Variants in TMTC2 observed in about 807,000 individuals in gnomAD.
TMTC2 encodes the protein protein O-mannosyl-transferase TMTC2.
A neutral mutation model predicts 82.4 loss-of-function variants in TMTC2; 43 were observed. The observed-to-expected ratio is 0.52, with a 90% CI of 0.41 to 0.67. The LOEUF is 0.67. Ranked by LOEUF, TMTC2 falls within the 30% of genes least tolerant of loss-of-function variation. The probability of loss-of-function intolerance (pLI) is 0.00; values close to 1 mark genes in which losing one functional copy is unlikely to be tolerated. For synonymous variants in TMTC2, 408 were observed against 381.9 expected, an observed-to-expected ratio of 1.07 and a Z score of -0.80; for missense variants, 919 against 1,012.4, an observed-to-expected ratio of 0.91 and a Z score of 1.25.
At chr12:82,745,393 T>C (rs1875637723) in intron 1 of TMTC2, among the ~76,000 whole-genome samples, 1 of 152,214 alleles carries the variant, frequency 6.6e-6, no homozygotes, top group South Asian at 2.1e-4. Context: ...TGAGGTTCTT[T>C]ACAGGTAGTG....
Position 83,134,836 on chromosome 12 carries a change from T to C in TMTC2, c.*2447T>C, listed in dbSNP as rs1214157966. 2 of 152,342 alleles carry C rather than the reference T, an allele frequency of 1.3e-5. No homozygotes were observed. The highest frequency in any genetic ancestry group is 4.8e-5 in the African/African-American group (2 of 41,580). 9.4% of individuals were successfully genotyped at this position (152,342 alleles called of 1,614,324 possible). On this transcript the variant is annotated 3_prime_UTR_variant, in exon 12 of 12. Coordinates refer to ENST00000321196, the MANE Select transcript of TMTC2 (RefSeq NM_152588.3). The stretch of plus-strand genomic sequence containing the variant: ...TTTTATGTGCCAGAGAATTTCAATT[T>C]TGTTTTCAACAATAAAGCATTGATA...
intron 4 of TMTC2, among the ~76,000 whole-genome samples, chr12:82,942,955 A>G (rs1003331506): frequency 6.6e-6 from 1 of 152,220 alleles, no homozygotes; most frequent in Non-Finnish European, 1.5e-5. Flanking sequence ...ATAAAATTTT[A>G]TCTTGCAGCA....
chr12:82,844,567 C>A (rs1362839789), intron 1 of TMTC2, among the ~76,000 whole-genome samples: 1 of 151,944 alleles, frequency 6.6e-6, no homozygotes, highest in East Asian at 1.9e-4. Flanking sequence ...TTTGGGTGGC[C>A]GAGGCGAGCA....
intron 2 of TMTC2, among the ~76,000 whole-genome samples, chr12:82,895,015 C>T (rs920294545): frequency 1.3e-5 from 2 of 149,218 alleles, no homozygotes; most frequent in Admixed American, 6.8e-5. Flanking sequence ...TGGGGTTTCA[C>T]CACGTTTGCC....
At chr12:82,703,272 T>C (rs1363112411) in intron 1 of TMTC2, among the ~76,000 whole-genome samples, 2 of 152,076 alleles carry the variant, frequency 1.3e-5, no homozygotes, top group Non-Finnish European at 2.9e-5. Flanking sequence ...TGGGAAGGTG[T>C]AGTTATCTAT....
At chr12:82,765,445 C>T (rs1022379361) in intron 1 of TMTC2, among the ~76,000 whole-genome samples, 1 of 152,026 alleles carries the variant, frequency 6.6e-6, no homozygotes, top group Non-Finnish European at 1.5e-5. Flanking sequence ...GAGTCCGAGG[C>T]GGGCAGATCA....
chr12:83,117,929 T>TTTATTTAG, intron 11 of TMTC2, among the ~76,000 whole-genome samples: 1 of 146,574 alleles, frequency 6.8e-6, no homozygotes, highest in African/African-American at 2.5e-5. Flanking sequence ...TATTTATTTA[T>TTTATTTAG]TTTGTAAAAG....
At chr12:83,122,590 AT>A (rs1884988152) in intron 11 of TMTC2, among the ~76,000 whole-genome samples, 1 of 151,754 alleles carries the variant, frequency 6.6e-6, no homozygotes, top group South Asian at 2.1e-4. Context: ...CAAGATTTTC[AT>A]TTTCGCCAGT....
intron 8 of TMTC2, among the ~76,000 whole-genome samples, chr12:83,017,276 G>C (rs1422085926): frequency 6.6e-6 from 1 of 152,160 alleles, no homozygotes; most frequent in South Asian, 2.1e-4. Context: ...GTGAATTATT[G>C]TGAGAGAGAA....
At chr12:82,940,014 C>CTTTTTTTTTTTTTTTTTTTTTTTTT in intron 4 of TMTC2, among the ~76,000 whole-genome samples, 1 of 91,264 alleles carries the variant, frequency 1.1e-5, no homozygotes, top group Non-Finnish European at 2.2e-5. Flanking sequence ...TCTTTCTTTA[C>CTTTTTTTTTTTTTTTTTTTTTTTTT]TTTTTTTTTT....
chr12:82,789,398 TA>T (rs908295623), intron 1 of TMTC2, among the ~76,000 whole-genome samples: 1 of 152,108 alleles, frequency 6.6e-6, no homozygotes, highest in African/African-American at 2.4e-5. Context: ...AAGAAACATT[TA>T]AAACAATATA....
chr12:82,712,012 C>T (rs1020079177), intron 1 of TMTC2, among the ~76,000 whole-genome samples: 1 of 152,218 alleles, frequency 6.6e-6, no homozygotes, highest in Non-Finnish European at 1.5e-5. Context: ...TCCCTTTTCC[C>T]TCCTCCTTTC....
chr12:82,780,686 C>G (rs1877856505), intron 1 of TMTC2, among the ~76,000 whole-genome samples: 1 of 152,052 alleles, frequency 6.6e-6, no homozygotes, highest in Non-Finnish European at 1.5e-5. Context: ...GAAATTTGAA[C>G]TAACACTTCG....
intron 11 of TMTC2, among the ~76,000 whole-genome samples, chr12:83,113,558 A>T (rs1052602492): frequency 6.6e-6 from 1 of 152,178 alleles, no homozygotes; most frequent in Non-Finnish European, 1.5e-5. Flanking sequence ...GGGCTTAGAG[A>T]CACACAAGCC....
chr12:83,115,354 C>A lies in TMTC2; in HGVS notation c.2332-16856C>A, dbSNP rs116559651. The stretch of plus-strand genomic sequence containing the variant: ...AAGATACTGTATGATTTTGTAGCAG[C>A]TATCTAGATTAGTAAGGGCAGCCAG... On this transcript the variant is annotated intron_variant, in intron 11 of 11. Coordinates refer to ENST00000321196, the MANE Select transcript of TMTC2 (RefSeq NM_152588.3). Among the ~76,000 whole-genome samples the A allele has an allele frequency of 6.9e-3, 1,056 of 152,250 alleles. 14 individuals carry two copies. Among genetic ancestry groups the A allele is most frequent in the African/African-American group, 0.024 (1,002 of 41,552 alleles).
intron 3 of TMTC2, among the ~76,000 whole-genome samples, chr12:82,902,911 T>C (rs1874095008): frequency 6.6e-6 from 1 of 152,152 alleles, no homozygotes; most frequent in Non-Finnish European, 1.5e-5. Context: ...GTTCTGTACT[T>C]TAAAAACTCT....
At chr12:83,021,186 T>A (rs946324002) in intron 8 of TMTC2, among the ~76,000 whole-genome samples, 10 of 152,202 alleles carry the variant, frequency 6.6e-5, no homozygotes, top group African/African-American at 2.4e-4. Flanking sequence ...TCTTTTTCTT[T>A]TGCTTTCTTC....
intron 2 of TMTC2, among the ~76,000 whole-genome samples, chr12:82,863,518 G>T: frequency 6.6e-6 from 1 of 152,236 alleles, no homozygotes. Context: ...TAAAGTCAAT[G>T]TTCAAAAATA....
At chr12:82,855,847 A>G (rs1871239053) in intron 1 of TMTC2, among the ~76,000 whole-genome samples, 1 of 152,226 alleles carries the variant, frequency 6.6e-6, no homozygotes, top group African/African-American at 2.4e-5. Context: ...TATGGTAATG[A>G]AATTTACTTT....
Sources: gnomAD v4.1 joint callset for allele counts (sites outside exome capture counted in the v4.1 genomes callset) on GRCh38, gnomAD v4.1.1 for gene constraint, MANE v1.5 for transcripts, NCBI Gene and HGNC (gene_info 2026-07-23, HGNC 2026-07-21) for gene names.